SLC25A21: variants seen among roughly 807,000 people sequenced by gnomAD.
SLC25A21 encodes solute carrier family 25 member 21, also known as mitochondrial 2-oxodicarboxylate carrier.
Under a neutral mutation model 43.8 loss-of-function variants are expected in SLC25A21, and 47 were observed. The ratio of observed to expected loss-of-function variants is 1.07; its 90% CI spans 0.85 to 1.37. SLC25A21 has a LOEUF of 1.37. Among genes scored for constraint, SLC25A21 ranks in the 40% most tolerant of loss-of-function variants. The pLI is 0.00. For synonymous variants in SLC25A21, 131 were observed against 121.3 expected, an observed-to-expected ratio of 1.08 and a Z score of -0.52; for missense variants, 352 against 350.2, an observed-to-expected ratio of 1.00 and a Z score of -0.04.
At chr14:36,999,273 A>G (rs1463500962) in intron 1 of SLC25A21, among the ~76,000 whole-genome samples, 1 of 152,202 alleles carries the variant, frequency 6.6e-6, no homozygotes, top group Non-Finnish European at 1.5e-5. Flanking sequence ...AAAGAAGCCA[A>G]TCTGAAAAGG....
At chr14:37,110,102 T>C (rs1377550782) in intron 1 of SLC25A21, among the ~76,000 whole-genome samples, 1 of 152,168 alleles carries the variant, frequency 6.6e-6, no homozygotes, top group Non-Finnish European at 1.5e-5. Context: ...GTTTCATACT[T>C]GTGAAAAAAA....
chr14:36,768,948 C>A (rs200436184), intron 3 of SLC25A21, among the ~76,000 whole-genome samples: 362 of 123,954 alleles, frequency 2.9e-3, no homozygotes, highest in African/African-American at 5.7e-3. Context: ...AAAAAAAAAA[C>A]AAAAACCTAT....
chr14:36,827,570 G>T (rs1888878429), intron 2 of SLC25A21, among the ~76,000 whole-genome samples: 2 of 152,080 alleles, frequency 1.3e-5, no homozygotes, highest in African/African-American at 4.8e-5. Flanking sequence ...TTGAAATAAG[G>T]CAAGGGAAGA....
chr14:36,799,295 A>G (rs563043562), intron 3 of SLC25A21, among the ~76,000 whole-genome samples: 1 of 152,302 alleles, frequency 6.6e-6, no homozygotes, highest in South Asian at 2.1e-4. Context: ...AATGAGATCC[A>G]CAAACATGAA....
At chr14:37,083,923 C>T (rs1962434972) in intron 1 of SLC25A21, among the ~76,000 whole-genome samples, 1 of 152,178 alleles carries the variant, frequency 6.6e-6, no homozygotes, top group Non-Finnish European at 1.5e-5. Context: ...TTAATAAATG[C>T]ATTTAGCCAT....
chr14:36,683,692 T>A, intron 9 of SLC25A21, 136 bp downstream of exon 9: 1 of 569,574 alleles, frequency 1.8e-6, no homozygotes, highest in South Asian at 3.1e-5. Flanking sequence ...CAAATACTCA[T>A]AGACAACTTT....
intron 1 of SLC25A21, among the ~76,000 whole-genome samples, chr14:36,889,797 A>G (rs560131709): frequency 3.0e-4 from 46 of 152,240 alleles, no homozygotes; most frequent in South Asian, 8.3e-4. Flanking sequence ...AGCCTTAAAT[A>G]AAAATTAATG....
intron 1 of SLC25A21, among the ~76,000 whole-genome samples, chr14:37,057,837 A>T (rs1343738125): frequency 6.6e-6 from 1 of 152,194 alleles, no homozygotes. Flanking sequence ...GCATATTAAG[A>T]TCTAGAACAC....
intron 1 of SLC25A21, among the ~76,000 whole-genome samples, chr14:36,967,455 A>C (rs1413099262): frequency 2.0e-5 from 3 of 152,166 alleles, no homozygotes; most frequent in African/African-American, 7.2e-5. Context: ...CTTTATTAGA[A>C]GTATGTATAG....
chr14:37,091,508 C>A (rs1180911911), intron 1 of SLC25A21, among the ~76,000 whole-genome samples: 3 of 150,898 alleles, frequency 2.0e-5, no homozygotes, highest in Non-Finnish European at 2.9e-5. Flanking sequence ...AAATCATGAA[C>A]AAAAAAGCCC....
chr14:36,791,913 T>C (rs1293708348), intron 3 of SLC25A21, among the ~76,000 whole-genome samples: 1 of 152,182 alleles, frequency 6.6e-6, no homozygotes, highest in Admixed American at 6.6e-5. Context: ...AAAAATATTC[T>C]ATTTCTTGGT....
At chr14:36,968,871 A>G (rs773622299) in intron 1 of SLC25A21, among the ~76,000 whole-genome samples, 7 of 152,206 alleles carry the variant, frequency 4.6e-5, no homozygotes, top group Non-Finnish European at 8.8e-5. Context: ...AAGGTCTGGT[A>G]TTTTACTGTA....
rs1478734751 is a variant in SLC25A21 at position 36,679,063 on chromosome 14, T to C, written c.*1595A>G. The C allele has an allele frequency of 6.1e-6, 6 of 985,390 alleles. No homozygotes were observed. The highest frequency in any genetic ancestry group is 5.2e-4 in the Middle Eastern group (1 of 1,938). 61.0% of individuals were successfully genotyped at this position (985,390 alleles called of 1,614,324 possible). ...GAAATCCTTTTCTATCTGATCCACA[T>C]GGAGAGGTTAAAGGTTCAATTTCAT... On this transcript the variant is annotated 3_prime_UTR_variant, in exon 10 of 10. Coordinates refer to ENST00000331299, the MANE Select transcript of SLC25A21 (RefSeq NM_030631.4).
rs547726266 is a variant in SLC25A21, at chr14:36,887,692, A to T, written c.71-12688T>A. On this transcript the variant is annotated intron_variant, in intron 1 of 9. Coordinates refer to ENST00000331299, the MANE Select transcript of SLC25A21 (RefSeq NM_030631.4). ...GCTTGGGGAAGAGGGCAGCTTATAG[A>T]GTACCAGGACCTCTATTTCAACTCC... Among the ~76,000 whole-genome samples, 3 of 152,282 alleles carry T rather than the reference A, an allele frequency of 2.0e-5. No individual in the cohort carries two copies. In the South Asian group the frequency reaches 6.2e-4, roughly 32 times the overall value.
At chr14:36,729,877 T>G (rs952718012) in intron 4 of SLC25A21, among the ~76,000 whole-genome samples, 23 of 152,202 alleles carry the variant, frequency 1.5e-4, no homozygotes, top group African/African-American at 5.5e-4. Context: ...TGGCAGTGAT[T>G]CAACATTATA....
chr14:37,062,705 G>T (rs751385795), intron 1 of SLC25A21, among the ~76,000 whole-genome samples: 6 of 152,102 alleles, frequency 3.9e-5, no homozygotes, highest in Non-Finnish European at 7.4e-5. Flanking sequence ...TCGGGACAGG[G>T]GAGTGACCCT....
intron 6 of SLC25A21, among the ~76,000 whole-genome samples, chr14:36,715,658 T>G (rs754021534): frequency 6.6e-6 from 1 of 152,260 alleles, no homozygotes; most frequent in Non-Finnish European, 1.5e-5. Context: ...GGGATGAGAC[T>G]TAACAAATAT....
At position 36,679,214 on chromosome 14, in the gene SLC25A21, C is replaced by A; in HGVS notation, c.*1444G>T. On this transcript the variant is annotated 3_prime_UTR_variant, in exon 10 of 10. Coordinates refer to ENST00000331299, the MANE Select transcript of SLC25A21 (RefSeq NM_030631.4). ...ACAATTTTGTTTTGTTTTTAATGAC[C>A]CTTTTATTGAATATTGGACTGAAAT... is the stretch of plus-strand genomic sequence containing the variant. 1 of 984,244 alleles carries A rather than the reference C, an allele frequency of 1.0e-6. No individual in the cohort carries two copies. Among genetic ancestry groups the A allele is most frequent in the Non-Finnish European group, 1.2e-6 (1 of 829,086 alleles). 61.0% of individuals were successfully genotyped at this position (984,244 alleles called of 1,614,324 possible). A position where few individuals can be genotyped will look rare whatever the true frequency, so the allele number is the denominator to read the frequency against.
intron 7 of SLC25A21, among the ~76,000 whole-genome samples, chr14:36,693,228 AACAAGGC>A (rs1171625684): frequency 6.6e-6 from 1 of 152,218 alleles, no homozygotes; most frequent in African/African-American, 2.4e-5. Context: ...TATCCTGCTG[AACAAGGC>A]ACTGAATGAA....
Sources: gnomAD v4.1 joint callset for allele counts (sites outside exome capture counted in the v4.1 genomes callset) on GRCh38, gnomAD v4.1.1 for gene constraint, MANE v1.5 for transcripts, NCBI Gene and HGNC (gene_info 2026-07-23, HGNC 2026-07-21) for gene names.